Variants in DLGAP2 observed in about 807,000 individuals in gnomAD.
The protein encoded by DLGAP2 is disks large-associated protein 2.
DLGAP2 carries 26 observed loss-of-function variants against 100.3 expected under a neutral mutation model. The ratio of observed to expected loss-of-function variants is 0.26; its 90% confidence interval spans 0.19 to 0.36. The LOEUF is 0.36. Among genes scored for constraint, DLGAP2 ranks in the 10% least tolerant of loss-of-function variants. The pLI is 1.00. For synonymous variants in DLGAP2, 886 were observed against 630.1 expected (o/e 1.41, Z -6.08); for missense variants, 1,858 against 1,453.2 (o/e 1.28, Z -4.53).
intron 2 of DLGAP2, among the ~76,000 whole-genome samples, chr8:988,660 G>A (rs1029005081): frequency 4.6e-5 from 7 of 152,090 alleles, no homozygotes; most frequent in Non-Finnish European, 8.8e-5. Context: ...CCTCCTGGCC[G>A]TGATTTGCCG....
At chr8:1,095,838 T>C (rs1804349784) in intron 2 of DLGAP2, among the ~76,000 whole-genome samples, 1 of 152,200 alleles carries the variant, frequency 6.6e-6, no homozygotes, top group East Asian at 1.9e-4. Flanking sequence ...GAAGAGCTTA[T>C]TTATTTTTCA....
chr8:957,472 C>T (rs1799622463), intron 2 of DLGAP2, among the ~76,000 whole-genome samples: 1 of 152,212 alleles, frequency 6.6e-6, no homozygotes, highest in Admixed American at 6.5e-5. Flanking sequence ...TCTCATATGT[C>T]CAAAACACCA....
At chr8:1,264,896 A>C (rs1011400674) in intron 3 of DLGAP2, among the ~76,000 whole-genome samples, 1 of 152,252 alleles carries the variant, frequency 6.6e-6, no homozygotes, top group Middle Eastern at 3.4e-3. Flanking sequence ...ATAGTGAATA[A>C]GCCTCATGAG....
Position 1,681,278 on chromosome 8 carries a change from C to T in DLGAP2, c.2704+2649C>T, listed in dbSNP as rs151076745. Among the ~76,000 whole-genome samples the T allele has an allele frequency of 3.4e-3, 524 of 152,114 alleles. 3 individuals carry two copies. The highest frequency in any genetic ancestry group is 0.017 in the Middle Eastern group (5 of 292). ...CTGTCATCATTTTCCATGTTTAGTGCATACTTTCAATTTCATTTTTTCAAG... is the reference window on the plus strand; with the variant it reads ...CTGTCATCATTTTCCATGTTTAGTGTATACTTTCAATTTCATTTTTTCAAG... On this transcript the variant is annotated intron_variant, in intron 12 of 14. Transcript: ENST00000637795.
Position 1,685,036 on chromosome 8 carries a change from T to G in DLGAP2, c.2704+6407T>G, listed in dbSNP as rs149066914. Among the ~76,000 whole-genome samples, 594 of 152,222 alleles carry G rather than the reference T, an allele frequency of 3.9e-3. 14 individuals carry two copies. The highest frequency in any genetic ancestry group is 0.013 in the African/African-American group (552 of 41,516). The stretch of plus-strand genomic sequence containing the variant: ...GGAACATAGGGATTTGCTCACTAAG[T>G]TCTCCTTTTACAGCCAGAATGACCA... On this transcript the variant is annotated intron_variant, in intron 12 of 14. Transcript: ENST00000637795.
chr8:864,571 A>G (rs1221960764), intron 1 of DLGAP2, among the ~76,000 whole-genome samples: 1 of 152,224 alleles, frequency 6.6e-6, no homozygotes, highest in Non-Finnish European at 1.5e-5. Flanking sequence ...GACTTGGATT[A>G]TCAAGCTACT....
chr8:1,211,899 T>G (rs1230186551), intron 2 of DLGAP2, among the ~76,000 whole-genome samples: 4 of 152,108 alleles, frequency 2.6e-5, no homozygotes, highest in African/African-American at 9.7e-5. Flanking sequence ...AATAAAAAAA[T>G]AAAAATAATA....
chr8:1,337,252 G>C (rs1801299126), intron 3 of DLGAP2, among the ~76,000 whole-genome samples: 1 of 145,812 alleles, frequency 6.9e-6, no homozygotes, highest in African/African-American at 2.6e-5. Context: ...TGATGGTGAT[G>C]ATGGTGGTGA....
At chr8:1,028,201 A>T (rs868732797) in intron 2 of DLGAP2, among the ~76,000 whole-genome samples, 13 of 42,198 alleles carry the variant, frequency 3.1e-4, no homozygotes, top group South Asian at 7.1e-4. Context: ...CCAGGCGCCC[A>T]TTATTCTCCA....
chr8:786,172 G>A (rs1369464155), intron 1 of DLGAP2, among the ~76,000 whole-genome samples: 1 of 152,168 alleles, frequency 6.6e-6, no homozygotes, highest in African/African-American at 2.4e-5. Context: ...CCTGGCAGGC[G>A]TCCTTGCCCC....
At chr8:1,236,867 A>G (rs1451541909) in intron 2 of DLGAP2, among the ~76,000 whole-genome samples, 1 of 96,344 alleles carries the variant, frequency 1.0e-5, no homozygotes, top group African/African-American at 4.5e-5. Context: ...TGTCTCACAC[A>G]GTGCATCGTG....
rs773040913 is a variant in DLGAP2 at position 1,668,618 on chromosome 8, C to T, written c.2100C>T (p.Ala700=). 1.2e-6 allele frequency: 2 copies of T among 1,600,406 alleles called. No individual in the cohort carries two copies. Among genetic ancestry groups the T allele is most frequent in the South Asian group, 2.3e-5 (2 of 88,110 alleles). Reference sequence around the variant, plus strand: ...GCTCTGTGCGGACCAGCGACAAGGCCATCCTGGTGTCCAAGGCGGAGGAGC... The same window carrying T: ...GCTCTGTGCGGACCAGCGACAAGGCTATCCTGGTGTCCAAGGCGGAGGAGC... The part of the protein sequence containing the change: ...QSSSVRTSDK[A]ILVSKAEELL... The change falls in exon 9 of 15, where the codon GCC becomes GCT. Residue 700 remains alanine, a synonymous_variant. Coordinates refer to ENST00000637795, the MANE Select transcript of DLGAP2 (RefSeq NM_001346810.2).
intron 2 of DLGAP2, among the ~76,000 whole-genome samples, chr8:1,193,679 C>T (rs1473943502): frequency 1.3e-5 from 2 of 152,114 alleles, no homozygotes; most frequent in African/African-American, 2.4e-5. Flanking sequence ...CCCATTGAAG[C>T]CACCTGAGTC....
intron 3 of DLGAP2, among the ~76,000 whole-genome samples, chr8:1,353,490 C>G (rs1374413837): frequency 1.3e-5 from 2 of 152,160 alleles, no homozygotes; most frequent in Non-Finnish European, 2.9e-5. Flanking sequence ...GCAGGCTCAT[C>G]TAAGTGTTCT....
At chr8:1,081,147 G>A (rs1803794736) in intron 2 of DLGAP2, among the ~76,000 whole-genome samples, 1 of 151,904 alleles carries the variant, frequency 6.6e-6, no homozygotes, top group Non-Finnish European at 1.5e-5. Context: ...CTTTCTTACT[G>A]TTTTCTCGTT....
At chr8:910,414 C>T (rs2128999320) in intron 2 of DLGAP2, 1 of 152,268 alleles carries the variant, frequency 6.6e-6, no homozygotes, top group Admixed American at 6.5e-5. Flanking sequence ...AGAGGGAATT[C>T]CGTTGGTTAC....
intron 3 of DLGAP2, among the ~76,000 whole-genome samples, chr8:1,419,504 A>C (rs1797033616): frequency 6.6e-6 from 1 of 150,576 alleles, no homozygotes; most frequent in African/African-American, 2.5e-5. Flanking sequence ...ATAAATGGTT[A>C]TTTTTGGTTG....
intron 2 of DLGAP2, among the ~76,000 whole-genome samples, chr8:1,159,034 A>G (rs1378542009): frequency 6.6e-6 from 1 of 152,114 alleles, no homozygotes; most frequent in Non-Finnish European, 1.5e-5. Flanking sequence ...TTTCTTGTTA[A>G]CCTCGATGTC....
At chr8:1,338,902 A>G (rs1170761080) in intron 3 of DLGAP2, among the ~76,000 whole-genome samples, 1 of 147,938 alleles carries the variant, frequency 6.8e-6, no homozygotes, top group Non-Finnish European at 1.5e-5. Context: ...CAGTGACCTC[A>G]GTGAGGCGTC....
Sources: allele counts gnomAD v4.1 joint callset (sites outside exome capture counted in the v4.1 genomes callset), GRCh38; gene constraint gnomAD v4.1.1; transcripts MANE v1.5; gene names NCBI Gene and HGNC (gene_info 2026-07-23, HGNC 2026-07-21).